The following CNBD1 variants were observed in gnomAD, a reference collection of about 807,000 sequenced individuals.
CNBD1 encodes cyclic nucleotide-binding domain-containing protein 1.
Under a neutral mutation model 54.4 loss-of-function variants are expected in CNBD1, and 71 were observed. That is an observed-to-expected ratio of 1.30 (90% CI 1.08 to 1.59). The LOEUF is 1.59. Among genes scored for constraint, CNBD1 ranks in the 40% most tolerant of loss-of-function variants. The probability of loss-of-function intolerance (pLI) is 0.00; values close to 1 mark genes in which losing one functional copy is unlikely to be tolerated. For missense variants in CNBD1, 659 were observed against 518.0 expected, an observed-to-expected ratio of 1.27 and a Z score of -2.64; for synonymous variants, 182 against 170.7, an observed-to-expected ratio of 1.07 and a Z score of -0.51.
chr8:87,045,514 A>G (rs1401880763), intron 4 of CNBD1, among the ~76,000 whole-genome samples: 1 of 152,094 alleles, frequency 6.6e-6, no homozygotes, highest in African/African-American at 2.4e-5. Context: ...TCACGAGGTC[A>G]GGAGATCAAG....
chr8:87,137,853 C>T (rs1034439596), intron 4 of CNBD1, among the ~76,000 whole-genome samples: 3 of 152,086 alleles, frequency 2.0e-5, no homozygotes, highest in African/African-American at 7.2e-5. Context: ...AGAGGGAAAA[C>T]TACTTAGGAC....
intron 4 of CNBD1, among the ~76,000 whole-genome samples, chr8:86,947,487 A>G (rs1807495460): frequency 2.0e-5 from 3 of 152,248 alleles, no homozygotes; most frequent in Admixed American, 6.5e-5. Flanking sequence ...ATATTTGTCA[A>G]CTAGACTGAT....
rs540588289 is a variant in CNBD1, at chr8:87,389,310, T to C, written c.213+35524T>C. 1.6e-4 allele frequency among the ~76,000 whole-genome samples: 24 copies of C among 152,278 alleles called. No homozygotes were observed. In the South Asian group the frequency reaches 4.3e-3, roughly 28 times the overall value. On this transcript the variant is annotated intron_variant, in intron 2 of 7. Coordinates refer to the CNBD1 transcript ENST00000521593. ...CAATTAGGAAAAGAGGAAGTCAAAT[T>C]GTCCCTGTTTGCAGATGACATGATT...
chr8:86,963,885 A>G (rs1410478490), intron 4 of CNBD1, among the ~76,000 whole-genome samples: 2 of 152,120 alleles, frequency 1.3e-5, no homozygotes, highest in African/African-American at 2.4e-5. Flanking sequence ...GGAGATGGCA[A>G]TCTGGACCTT....
chr8:87,276,562 G>A lies in CNBD1; in HGVS notation c.772-8116G>A, dbSNP rs117359989. Among the ~76,000 whole-genome samples, 1,079 of 151,952 alleles carry A rather than the reference G, an allele frequency of 7.1e-3. 9 individuals are homozygous for A. The highest frequency in any genetic ancestry group is 9.2e-3 in the Non-Finnish European group (627 of 67,858). On this transcript the variant is annotated intron_variant, in intron 6 of 10. Coordinates refer to ENST00000518476, the MANE Select transcript of CNBD1 (RefSeq NM_173538.3). ...CGGAAGTAGGTCTTGTTTAAAAGAA[G>A]CTCAGTTGCTTCAATCTATTGAATG... is the stretch of plus-strand genomic sequence containing the variant.
In CNBD1 at chr8:87,133,620, T is replaced by C. The variant is rs1438236962; in HGVS notation, c.432-72373T>C. The stretch of plus-strand genomic sequence containing the variant: ...CTGTGGGTTCATGTTCATTTTCTAC[T>C]AGGTGGGGTGCTTGCACTGATTAAT... On this transcript the variant is annotated intron_variant, in intron 4 of 10. Coordinates refer to ENST00000518476, the MANE Select transcript of CNBD1 (RefSeq NM_173538.3). 2.0e-5 allele frequency among the ~76,000 whole-genome samples: 3 copies of C among 152,190 alleles called. No individual in the cohort carries two copies. The South Asian group carries it at 6.2e-4, about 32-fold the overall frequency.
At chr8:87,103,563 T>C (rs1811474282) in intron 4 of CNBD1, among the ~76,000 whole-genome samples, 1 of 152,156 alleles carries the variant, frequency 6.6e-6, no homozygotes, top group African/African-American at 2.4e-5. Context: ...AGCAAATATG[T>C]CCTTCTTCAC....
At chr8:87,046,760 G>C (rs1810201402) in intron 4 of CNBD1, among the ~76,000 whole-genome samples, 1 of 152,204 alleles carries the variant, frequency 6.6e-6, no homozygotes, top group Non-Finnish European at 1.5e-5. Flanking sequence ...GAAGGATCCT[G>C]CTGACAGATG....
At chr8:87,267,276 C>T (rs1219301281) in intron 6 of CNBD1, among the ~76,000 whole-genome samples, 2 of 151,774 alleles carry the variant, frequency 1.3e-5, no homozygotes, top group Admixed American at 6.6e-5. Flanking sequence ...GGAAATGTAC[C>T]ATAAATAATT....
chr8:86,908,533 A>G (rs1294817567), intron 3 of CNBD1, among the ~76,000 whole-genome samples: 1 of 152,198 alleles, frequency 6.6e-6, no homozygotes, highest in African/African-American at 2.4e-5. Flanking sequence ...TATGCATTGA[A>G]AAAACTTTTA....
chr8:86,948,615 C>A lies in CNBD1; in HGVS notation c.431+8861C>A, dbSNP rs528009488. Among the ~76,000 whole-genome samples, 71 of 152,162 alleles carry A rather than the reference C, an allele frequency of 4.7e-4. No individual in the cohort carries two copies. The South Asian group carries it at 0.014, about 31-fold the overall frequency. On this transcript the variant is annotated intron_variant, in intron 4 of 10. Coordinates refer to ENST00000518476, the MANE Select transcript of CNBD1 (RefSeq NM_173538.3). ...CAATTTTAAATCAGATTATTAAATT[C>A]TTTCTTACAGAGTTTTTTGAGCTTC...
chr8:87,171,900 G>A (rs1190013812), intron 4 of CNBD1, among the ~76,000 whole-genome samples: 1 of 152,084 alleles, frequency 6.6e-6, no homozygotes, highest in African/African-American at 2.4e-5. Flanking sequence ...GCCTCCCAAA[G>A]TGCTGGGATT....
chr8:86,973,254 A>G (rs1013831450), intron 4 of CNBD1, among the ~76,000 whole-genome samples: 9 of 152,156 alleles, frequency 5.9e-5, no homozygotes, highest in Admixed American at 5.2e-4. Context: ...TGTCTCTTCT[A>G]TCCACTTTTC....
chr8:87,359,554 A>T (rs1020033244), intron 10 of CNBD1, among the ~76,000 whole-genome samples: 11 of 152,162 alleles, frequency 7.2e-5, no homozygotes, highest in African/African-American at 2.7e-4. Flanking sequence ...TGAAAAATTA[A>T]TGGTTAATTT....
At chr8:87,366,424 A>C (rs1810643320) in intron 10 of CNBD1, among the ~76,000 whole-genome samples, 1 of 152,006 alleles carries the variant, frequency 6.6e-6, no homozygotes, top group Non-Finnish European at 1.5e-5. Flanking sequence ...TCTCCATCTC[A>C]GCAATGAAGA....
intron 6 of CNBD1, among the ~76,000 whole-genome samples, chr8:87,272,082 G>A (rs1808379066): frequency 6.6e-6 from 1 of 151,870 alleles, no homozygotes; most frequent in Non-Finnish European, 1.5e-5. Flanking sequence ...GTTATCAGAG[G>A]CCAAGAAGGG....
chr8:86,897,831 T>C (rs1480327591), intron 2 of CNBD1, among the ~76,000 whole-genome samples: 1 of 152,094 alleles, frequency 6.6e-6, no homozygotes, highest in Non-Finnish European at 1.5e-5. Context: ...TAATTAACTA[T>C]TACATGCCCA....
chr8:87,005,376 A>G (rs1809078066), intron 4 of CNBD1, among the ~76,000 whole-genome samples: 1 of 152,116 alleles, frequency 6.6e-6, no homozygotes, highest in Non-Finnish European at 1.5e-5. Context: ...TCTCAAAAAA[A>G]AAAAAGTCTC....
At chr8:87,000,560 G>C (rs1239975229) in intron 4 of CNBD1, among the ~76,000 whole-genome samples, 1 of 152,034 alleles carries the variant, frequency 6.6e-6, no homozygotes, top group Non-Finnish European at 1.5e-5. Context: ...ACAGAACCTT[G>C]CTTATATTAT....
Sources: gnomAD v4.1 joint callset for allele counts (sites outside exome capture counted in the v4.1 genomes callset) on GRCh38, gnomAD v4.1.1 for gene constraint, MANE v1.5 for transcripts, NCBI Gene and HGNC (gene_info 2026-07-23, HGNC 2026-07-21) for gene names.